LRRIQ1: variants seen among roughly 807,000 people sequenced by gnomAD.
LRRIQ1 encodes leucine-rich repeat- and IQ domain-containing protein 1.
LRRIQ1 carries 210 observed loss-of-function variants against 211.9 expected under a neutral mutation model. The observed-to-expected ratio is 0.99, with a 90% CI of 0.89 to 1.11. The LOEUF is 1.11. Ranked by LOEUF, LRRIQ1 falls within the 50% of genes most tolerant of loss-of-function variation. The probability of loss-of-function intolerance (pLI) is 0.00; values close to 1 mark genes in which losing one functional copy is unlikely to be tolerated. For missense variants in LRRIQ1, 2,136 were observed against 1,939.5 expected (o/e 1.10, Z -1.90); for synonymous variants, 699 against 650.1 (o/e 1.08, Z -1.14).
At chr12:85,116,138 G>C (rs1165097370) in intron 15 of LRRIQ1, among the ~76,000 whole-genome samples, 1 of 151,978 alleles carries the variant, frequency 6.6e-6, no homozygotes, top group Non-Finnish European at 1.5e-5. Context: ...TTTTTTTGTT[G>C]TTGTTTGTTT....
At chr12:85,257,391 G>A (rs1896150291) in intron 1 of LRRIQ1, among the ~76,000 whole-genome samples, 1 of 149,406 alleles carries the variant, frequency 6.7e-6, no homozygotes, top group Non-Finnish European at 1.5e-5. Context: ...AAATGATTGT[G>A]GAGTTTGGGA....
chr12:85,106,741 A>T, intron 15 of LRRIQ1, 126 bp downstream of exon 15: 1 of 676,582 alleles, frequency 1.5e-6, no homozygotes, highest in Non-Finnish European at 2.5e-6. Flanking sequence ...AAGTCATTTT[A>T]AACCAAAAAA....
intron 24 of LRRIQ1, among the ~76,000 whole-genome samples, chr12:85,189,827 T>C (rs960902910): frequency 2.1e-5 from 3 of 145,630 alleles, no homozygotes; most frequent in African/African-American, 7.4e-5. Flanking sequence ...ATATAAATAA[T>C]AATTAAATAT....
chr12:85,272,466 T>G, the LRRIQ1 span, among the ~76,000 whole-genome samples: 1 of 152,188 alleles, frequency 6.6e-6, no homozygotes, highest in Non-Finnish European at 1.5e-5. Context: ...TCAAGAATAT[T>G]AATCAGAAAT....
intron 13 of LRRIQ1, among the ~76,000 whole-genome samples, chr12:85,102,433 T>C (rs922872328): frequency 1.3e-5 from 2 of 151,852 alleles, no homozygotes; most frequent in African/African-American, 4.8e-5. Context: ...TCCTGGAAAT[T>C]GCTTTTAAGA....
intron 23 of LRRIQ1, among the ~76,000 whole-genome samples, chr12:85,156,467 C>T (rs944487786): frequency 6.6e-6 from 1 of 151,772 alleles, no homozygotes; most frequent in African/African-American, 2.4e-5. Context: ...CATTTTGTAT[C>T]TGTGAGCAAA....
intron 24 of LRRIQ1, 75 bp from the exon 25 acceptor site, chr12:85,229,442 T>C (rs199958973): frequency 2.5e-5 from 30 of 1,222,752 alleles, no homozygotes; most frequent in East Asian, 1.3e-4. Flanking sequence ...ATAAAATGTT[T>C]AGCACAGATG....
chr12:85,098,666 A>T, intron 12 of LRRIQ1, 118 bp downstream of exon 12: 1 of 849,508 alleles, frequency 1.2e-6, no homozygotes, highest in Non-Finnish European at 1.8e-6. Context: ...TTCACCATGA[A>T]GTAACCTTTA....
intron 2 of LRRIQ1, among the ~76,000 whole-genome samples, chr12:85,039,908 G>A (rs901872171): frequency 6.6e-6 from 1 of 151,306 alleles, no homozygotes; most frequent in Admixed American, 6.6e-5. Flanking sequence ...AACTAGTTAC[G>A]GTGTTTATGG....
chr12:85,240,855 T>C (rs902828510), intron 26 of LRRIQ1, among the ~76,000 whole-genome samples: 10 of 152,166 alleles, frequency 6.6e-5, no homozygotes, highest in Non-Finnish European at 5.9e-5. Context: ...CATGCTTAGA[T>C]TGGGGAAAGG....
intron 1 of LRRIQ1, among the ~76,000 whole-genome samples, chr12:85,258,888 A>G (rs899904479): frequency 1.1e-4 from 16 of 151,958 alleles, no homozygotes; most frequent in African/African-American, 3.6e-4. Flanking sequence ...GACCTGTTAA[A>G]CGGTTTTTTA....
chr12:85,204,362 C>G (rs1301130113), intron 24 of LRRIQ1, among the ~76,000 whole-genome samples: 2 of 152,190 alleles, frequency 1.3e-5, no homozygotes, highest in Non-Finnish European at 2.9e-5. Flanking sequence ...ACACAGAGCC[C>G]CTACTGGGGC....
chr12:85,106,821 C>T (rs1045535217), intron 15 of LRRIQ1, among the ~76,000 whole-genome samples: 1 of 152,030 alleles, frequency 6.6e-6, no homozygotes, highest in African/African-American at 2.4e-5. Context: ...TGAACTAATA[C>T]AAAATTGAAA....
At chr12:85,154,686 T>C (rs1890444563) in intron 23 of LRRIQ1, among the ~76,000 whole-genome samples, 1 of 151,292 alleles carries the variant, frequency 6.6e-6, no homozygotes, top group Admixed American at 6.6e-5. Context: ...ATATATGGAG[T>C]CAGAGAAGAA....
rs761336183 is a variant in LRRIQ1, at chr12:85,044,708, C to A, written c.245-10C>A. On this transcript the variant is annotated splice_polypyrimidine_tract_variant and intron_variant, in intron 3 of 26. Transcript: ENST00000393217. The stretch of plus-strand genomic sequence containing the variant: ...ATATTGGAAGTTATATACATTTTTT[C>A]TTTCTCTAGGCTGTAGTTATGGAGC... The A allele has an allele frequency of 4.3e-6, 6 of 1,405,966 alleles. No individual in the cohort carries two copies. In the South Asian group the frequency reaches 5.0e-5, roughly 12 times the overall value. The allele number at this position is 1,405,966 out of a possible 1,614,324, so 87.1% of individuals were successfully genotyped here.
intron 15 of LRRIQ1, among the ~76,000 whole-genome samples, chr12:85,120,045 T>G (rs1887861839): frequency 6.6e-6 from 1 of 152,188 alleles, no homozygotes; most frequent in African/African-American, 2.4e-5. Context: ...TTTCTTTCCT[T>G]GATTTATACC....
chr12:85,173,658 CAGAA>C (rs1017992214), intron 24 of LRRIQ1, among the ~76,000 whole-genome samples: 9 of 151,940 alleles, frequency 5.9e-5, no homozygotes, highest in African/African-American at 2.2e-4. Context: ...CACACACACA[CAGAA>C]AGAGAGAGAG....
At chr12:85,140,125 C>T (rs562493800) in intron 19 of LRRIQ1, among the ~76,000 whole-genome samples, 1 of 151,328 alleles carries the variant, frequency 6.6e-6, no homozygotes, top group South Asian at 2.1e-4. Context: ...AATTTATCTC[C>T]AATGTTTTTC....
At chr12:85,243,076 A>G (rs1167892849) in intron 26 of LRRIQ1, among the ~76,000 whole-genome samples, 1 of 151,428 alleles carries the variant, frequency 6.6e-6, no homozygotes, top group Non-Finnish European at 1.5e-5. Flanking sequence ...ATTAAGGCTT[A>G]TAATCTTAAA....
Sources: gnomAD v4.1 joint callset for allele counts (sites outside exome capture counted in the v4.1 genomes callset) on GRCh38, gnomAD v4.1.1 for gene constraint, MANE v1.5 for transcripts, NCBI Gene and HGNC (gene_info 2026-07-23, HGNC 2026-07-21) for gene names.